SPAG16: variants seen among roughly 807,000 people sequenced by gnomAD.
SPAG16 encodes sperm associated antigen 16, also known as sperm-associated antigen 16 protein.
Under a neutral mutation model 80.4 loss-of-function variants are expected in SPAG16, and 86 were observed. That is an observed-to-expected ratio of 1.07 (90% confidence interval 0.90 to 1.28). The LOEUF (loss-of-function observed/expected upper bound fraction) is 1.28. Ranked by LOEUF, SPAG16 falls within the 50% of genes most tolerant of loss-of-function variation. The probability of loss-of-function intolerance (pLI) is 0.00; values close to 1 mark genes in which losing one functional copy is unlikely to be tolerated. For synonymous variants in SPAG16, 294 were observed against 265.9 expected, an observed-to-expected ratio of 1.11 and a Z score of -1.03; for missense variants, 870 against 765.3, an observed-to-expected ratio of 1.14 and a Z score of -1.61.
chr2:213,482,215 A>G (rs895954483), intron 9 of SPAG16, among the ~76,000 whole-genome samples: 1 of 152,214 alleles, frequency 6.6e-6, no homozygotes, highest in African/African-American at 2.4e-5. Context: ...ATACTTTCAT[A>G]TTATCAAATG....
chr2:213,627,135 A>T (rs1443952334), intron 10 of SPAG16, among the ~76,000 whole-genome samples: 1 of 152,220 alleles, frequency 6.6e-6, no homozygotes, highest in Non-Finnish European at 1.5e-5. Context: ...AGGAACTCAT[A>T]ATTTAATACA....
chr2:213,907,550 G>T (rs910804582), intron 11 of SPAG16, among the ~76,000 whole-genome samples: 1 of 151,532 alleles, frequency 6.6e-6, no homozygotes, highest in Admixed American at 6.6e-5. Context: ...TTCAAAGGAA[G>T]TAAAAGCAGT....
At chr2:213,423,017 C>G (rs975839150) in intron 9 of SPAG16, among the ~76,000 whole-genome samples, 2 of 152,230 alleles carry the variant, frequency 1.3e-5, no homozygotes, top group Admixed American at 6.5e-5. Flanking sequence ...ACTTCAAACA[C>G]TAGAAGCTTG....
chr2:213,905,027 A>C (rs2077379851), intron 11 of SPAG16, among the ~76,000 whole-genome samples: 1 of 152,212 alleles, frequency 6.6e-6, no homozygotes, highest in Non-Finnish European at 1.5e-5. Flanking sequence ...AAAGCATTAG[A>C]ATGAAGACCA....
intron 10 of SPAG16, among the ~76,000 whole-genome samples, chr2:213,746,591 A>G (rs989095573): frequency 2.0e-5 from 3 of 152,204 alleles, no homozygotes; most frequent in Admixed American, 2.0e-4. Flanking sequence ...AGATCACCCG[A>G]GGTCAGGAGT....
At chr2:213,538,150 C>T (rs553127187) in intron 10 of SPAG16, among the ~76,000 whole-genome samples, 32 of 152,082 alleles carry the variant, frequency 2.1e-4, no homozygotes, top group Non-Finnish European at 4.3e-4. Context: ...TTTCAGAGAT[C>T]GATATTGAAA....
intron 1 of SPAG16, among the ~76,000 whole-genome samples, chr2:213,290,192 G>C (rs908702881): frequency 6.6e-6 from 1 of 152,196 alleles, no homozygotes; most frequent in African/African-American, 2.4e-5. Flanking sequence ...CTATGAGATA[G>C]TTCACCCATG....
chr2:214,156,602 A>T (rs1401101546), intron 15 of SPAG16, among the ~76,000 whole-genome samples: 1 of 152,132 alleles, frequency 6.6e-6, no homozygotes, highest in African/African-American at 2.4e-5. Context: ...ACATAGCAAG[A>T]TTTGATTTCT....
At chr2:213,862,335 C>A (rs569480695) in intron 10 of SPAG16, 150 bp from the exon 11 acceptor site, 4 of 890,938 alleles carry the variant, frequency 4.5e-6, no homozygotes, top group African/African-American at 3.4e-5. Flanking sequence ...AGCAGGGATG[C>A]AGAACCTGCT....
chr2:213,521,798 G>A (rs543663878), intron 10 of SPAG16, among the ~76,000 whole-genome samples: 1 of 152,316 alleles, frequency 6.6e-6, no homozygotes, highest in East Asian at 1.9e-4. Context: ...CTCCCATGCT[G>A]TAATGTGTTG....
chr2:214,272,426 C>G (rs1692102855), intron 15 of SPAG16, among the ~76,000 whole-genome samples: 2 of 152,040 alleles, frequency 1.3e-5, no homozygotes. Flanking sequence ...GGTATTTGTC[C>G]TAATGCTATC....
chr2:213,578,042 C>A (rs546551292), intron 10 of SPAG16, among the ~76,000 whole-genome samples: 3 of 151,976 alleles, frequency 2.0e-5, no homozygotes, highest in Admixed American at 1.3e-4. Flanking sequence ...ATCAAATGTC[C>A]ACCTCTGTTC....
intron 6 of SPAG16, among the ~76,000 whole-genome samples, chr2:213,348,095 G>C (rs2065099880): frequency 6.6e-6 from 1 of 152,146 alleles, no homozygotes; most frequent in East Asian, 1.9e-4. Context: ...ATATATTTAG[G>C]ATAGTTAGCT....
chr2:214,067,934 T>C lies in SPAG16; in HGVS notation c.1528-40262T>C, dbSNP rs13426574. On this transcript the variant is annotated intron_variant, in intron 13 of 15. Coordinates refer to ENST00000331683, the MANE Select transcript of SPAG16 (RefSeq NM_024532.5). ...GAGACATAAAAACTATAAAAAATAA[T>C]GTGTTACTTTGTAAATAGAATTCAA... is the stretch of plus-strand genomic sequence containing the variant. Among the ~76,000 whole-genome samples the C allele has an allele frequency of 9.3e-3, 1,422 of 152,242 alleles. 28 individuals are homozygous for C. Among genetic ancestry groups the C allele is most frequent in the African/African-American group, 0.032 (1,337 of 41,554 alleles).
At chr2:213,828,934 C>G (rs1284834212) in intron 10 of SPAG16, among the ~76,000 whole-genome samples, 1 of 152,176 alleles carries the variant, frequency 6.6e-6, no homozygotes, top group Non-Finnish European at 1.5e-5. Context: ...ATGGGTGACA[C>G]AATCACCCCT....
At chr2:214,190,656 T>C (rs1367565056) in intron 15 of SPAG16, among the ~76,000 whole-genome samples, 2 of 152,110 alleles carry the variant, frequency 1.3e-5, no homozygotes, top group African/African-American at 4.8e-5. Flanking sequence ...TTTTCAGATG[T>C]GCGGCCTTAG....
At chr2:213,846,920 G>A (rs1410762175) in intron 10 of SPAG16, among the ~76,000 whole-genome samples, 1 of 152,168 alleles carries the variant, frequency 6.6e-6, no homozygotes, top group Non-Finnish European at 1.5e-5. Flanking sequence ...AGGCTATGAG[G>A]TAGAGTGTGC....
intron 15 of SPAG16, among the ~76,000 whole-genome samples, chr2:214,164,591 G>A (rs1454307005): frequency 6.6e-6 from 1 of 152,072 alleles, no homozygotes; most frequent in Non-Finnish European, 1.5e-5. Context: ...ACCAACGCTG[G>A]TCTTTATTCT....
chr2:213,299,944 A>G (rs900217439), intron 3 of SPAG16, among the ~76,000 whole-genome samples: 3 of 152,170 alleles, frequency 2.0e-5, no homozygotes, highest in Admixed American at 1.3e-4. Context: ...ATGTAAATAT[A>G]TGAAAAGAAA....
Sources: allele counts gnomAD v4.1 joint callset (sites outside exome capture counted in the v4.1 genomes callset), GRCh38; gene constraint gnomAD v4.1.1; transcripts MANE v1.5; gene names NCBI Gene and HGNC (gene_info 2026-07-23, HGNC 2026-07-21).